The following DNAH14 variants were observed in gnomAD, a reference collection of about 807,000 sequenced individuals.
DNAH14 encodes dynein axonemal heavy chain 14.
Under a neutral mutation model 520.9 loss-of-function variants are expected in DNAH14, and 478 were observed. The ratio of observed to expected loss-of-function variants is 0.92; its 90% CI spans 0.85 to 0.99. DNAH14 has a LOEUF of 0.99. DNAH14 is among the 50% of genes least tolerant of loss of function. The pLI, the probability that DNAH14 is intolerant of heterozygous loss-of-function variation, is 0.00. For missense variants in DNAH14, 4,831 were observed against 5,234.5 expected, an observed-to-expected ratio of 0.92 and a Z score of 2.38; for synonymous variants, 1,581 against 1,757.2, an observed-to-expected ratio of 0.90 and a Z score of 2.51.
intron 77 of DNAH14, among the ~76,000 whole-genome samples, chr1:225,373,173 A>G (rs1310996083): frequency 6.3e-5 from 1 of 15,966 alleles, no homozygotes; most frequent in African/African-American, 8.2e-5. Context: ...GCATTTGTGG[A>G]AAAAAAAAAA....
intron 73 of DNAH14, chr1:225,357,866 A>G: frequency 2.9e-6 from 2 of 701,472 alleles, no homozygotes; most frequent in South Asian, 1.5e-5. Context: ...GTAGACAAAT[A>G]TCATGTAAGT....
intron 43 of DNAH14, among the ~76,000 whole-genome samples, chr1:225,245,109 G>T (rs1041780489): frequency 5.9e-5 from 9 of 152,152 alleles, no homozygotes; most frequent in African/African-American, 2.2e-4. Context: ...TATTTACCCA[G>T]TAGTCATTCC....
chr1:225,165,888 T>A (rs2081996561), intron 35 of DNAH14, among the ~76,000 whole-genome samples: 1 of 152,104 alleles, frequency 6.6e-6, no homozygotes, highest in Non-Finnish European at 1.5e-5. Flanking sequence ...CATGGCCTCA[T>A]ATTTTTTTAT....
chr1:225,189,220 G>T (rs969087456), intron 37 of DNAH14, among the ~76,000 whole-genome samples: 4 of 151,690 alleles, frequency 2.6e-5, no homozygotes, highest in Non-Finnish European at 5.9e-5. Flanking sequence ...AATTGTGCTT[G>T]GTCATGGTGC....
At chr1:225,224,700 G>C (rs546873253) in intron 41 of DNAH14, among the ~76,000 whole-genome samples, 1 of 152,218 alleles carries the variant, frequency 6.6e-6, no homozygotes, top group South Asian at 2.1e-4. Flanking sequence ...CATACCTAAC[G>C]CTTCTGGTAA....
At chr1:225,237,464 T>TGG (rs1275210719) in intron 42 of DNAH14, among the ~76,000 whole-genome samples, 39 of 152,330 alleles carry the variant, frequency 2.6e-4, no homozygotes, top group African/African-American at 9.4e-4. Flanking sequence ...TATAGGGCTT[T>TGG]CTCTGAGAAG....
intron 10 of DNAH14, 35 bp from the exon 11 acceptor site, chr1:225,023,580 C>A: frequency 4.1e-6 from 6 of 1,455,770 alleles, no homozygotes; most frequent in South Asian, 2.9e-5. Flanking sequence ...CAAAGAAAAT[C>A]AATACTTGTT....
intron 60 of DNAH14, among the ~76,000 whole-genome samples, chr1:225,314,319 C>T (rs1049692965): frequency 6.6e-6 from 1 of 152,092 alleles, no homozygotes; most frequent in African/African-American, 2.4e-5. Context: ...TTTATTTTGA[C>T]CTATGTGTGT....
In DNAH14 at chr1:225,123,595, G is replaced by A; in HGVS notation, c.4235G>A (p.Gly1412Glu). 2.3e-6 allele frequency: 1 copy of A among 426,790 alleles called. No homozygotes were observed. Among genetic ancestry groups the A allele is most frequent in the Non-Finnish European group, 4.9e-6 (1 of 203,174 alleles). 26.4% of individuals were successfully genotyped at this position (426,790 alleles called of 1,614,324 possible). The change falls in exon 27 of 86, where the codon GGA (glycine) becomes GAA (glutamate). Residue 1412 changes from glycine to glutamate, a missense_variant. Gly to Glu is a moderately conservative substitution (Grantham distance 98). Transcript: ENST00000682510. ...TCCCAATGGGTGTTATCTCATCCAG[G>A]ACAAGTGGTACTTACTGTGGTAAGT... ...MFSQWVLSHPGQVVLTVSQIM... is the reference protein window; with the variant it reads ...MFSQWVLSHPEQVVLTVSQIM...
chr1:225,076,621 A>G (rs1049750962), intron 17 of DNAH14, among the ~76,000 whole-genome samples: 2 of 152,080 alleles, frequency 1.3e-5, no homozygotes, highest in Non-Finnish European at 2.9e-5. Flanking sequence ...AAATTTCTAT[A>G]GTAAGAAAAA....
chr1:225,233,276 G>A (rs113075515), intron 42 of DNAH14, among the ~76,000 whole-genome samples: 22,700 of 151,996 alleles, frequency 0.15, 1,960 homozygotes, highest in East Asian at 0.36. Flanking sequence ...ATATGTGTGC[G>A]TGTACCTTTA....
intron 31 of DNAH14, among the ~76,000 whole-genome samples, chr1:225,150,253 C>T (rs1040278848): frequency 1.3e-5 from 2 of 152,102 alleles, no homozygotes; most frequent in Admixed American, 6.5e-5. Flanking sequence ...CCTAGTTGAT[C>T]GTGGTAGATA....
intron 51 of DNAH14, 65 bp from the exon 52 acceptor site, chr1:225,272,890 C>T: frequency 1.4e-6 from 2 of 1,409,096 alleles, no homozygotes. Flanking sequence ...AAAAATTGAG[C>T]CTTCGCTTCA....
At chr1:224,971,362 C>T (rs187263918) in intron 7 of DNAH14, among the ~76,000 whole-genome samples, 2 of 151,164 alleles carry the variant, frequency 1.3e-5, no homozygotes, top group Admixed American at 1.3e-4. Flanking sequence ...ACCTGAGAAA[C>T]TTTTTTTTTG....
intron 41 of DNAH14, among the ~76,000 whole-genome samples, chr1:225,217,510 C>T (rs2149488491): frequency 6.6e-6 from 1 of 152,328 alleles, no homozygotes; most frequent in South Asian, 2.1e-4. Flanking sequence ...GTGGAATCTG[C>T]AGAGGCAGGC....
Position 225,308,319 on chromosome 1 carries a change from AT to A in DNAH14, c.9151del (p.Ser3051HisfsTer3), listed in dbSNP as rs1338076934. The A allele has an allele frequency of 1.3e-6, 2 of 1,541,876 alleles. No homozygotes were observed. The highest frequency in any genetic ancestry group is 1.7e-6 in the Non-Finnish European group (2 of 1,144,552). On this transcript the variant is annotated frameshift_variant, in exon 60 of 86. Transcript: ENST00000682510. LOFTEE classifies it high-confidence loss of function. ...ACTCTAATGGAAAAACTACGGAAAG[AT>A]TCACAAGTAGTTGAGAAAGTTCAGA... ...TETLMEKLRK[D>X]SQVVEKVQML...
chr1:225,265,935 T>A (rs2093098467), intron 48 of DNAH14, among the ~76,000 whole-genome samples: 1 of 152,074 alleles, frequency 6.6e-6, no homozygotes, highest in African/African-American at 2.4e-5. Context: ...TATATATATA[T>A]ATATTGACAG....
intron 60 of DNAH14, among the ~76,000 whole-genome samples, chr1:225,309,581 A>G (rs934685656): frequency 3.0e-4 from 45 of 152,058 alleles, no homozygotes; most frequent in African/African-American, 9.9e-4. Context: ...TGAAGGTGCC[A>G]CTGTTGATCA....
intron 8 of DNAH14, among the ~76,000 whole-genome samples, chr1:224,992,122 C>A (rs188334855): frequency 6.6e-6 from 1 of 151,914 alleles, no homozygotes; most frequent in South Asian, 2.1e-4. Context: ...TGGCCAATAT[C>A]GTGCTGTTTT....
Sources: gnomAD v4.1 joint callset for allele counts (sites outside exome capture counted in the v4.1 genomes callset) on GRCh38, gnomAD v4.1.1 for gene constraint, MANE v1.5 for transcripts, NCBI Gene and HGNC (gene_info 2026-07-23, HGNC 2026-07-21) for gene names.